Variants in PLPPR4 observed in about 807,000 individuals in gnomAD.
The protein encoded by PLPPR4 is phospholipid phosphatase-related protein type 4.
Under a neutral mutation model 56.6 loss-of-function variants are expected in PLPPR4, and 24 were observed. That is an observed-to-expected ratio of 0.42 (90% CI 0.31 to 0.60). The LOEUF (loss-of-function observed/expected upper bound fraction) is 0.60, where lower values mean the gene tolerates loss of function less well. Among genes scored for constraint, PLPPR4 ranks in the 20% least tolerant of loss-of-function variants. The pLI, the probability that PLPPR4 is intolerant of heterozygous loss-of-function variation, is 0.13. For missense variants in PLPPR4, 654 were observed against 885.8 expected, an observed-to-expected ratio of 0.74 and a Z score of 3.32; for synonymous variants, 326 against 328.1, an observed-to-expected ratio of 0.99 and a Z score of 0.07.
At chr1:99,263,598 T>G (rs1043235467), upstream of PLPPR4, among the ~76,000 whole-genome samples, 1 of 152,200 alleles carries the variant, frequency 6.6e-6, no homozygotes, top group African/African-American at 2.4e-5. Flanking sequence ...TTGCTGGGTC[T>G]TTCTCTCTTC....
upstream of PLPPR4, among the ~76,000 whole-genome samples, chr1:99,263,712 A>G (rs1658819109): frequency 1.3e-5 from 2 of 152,180 alleles, no homozygotes; most frequent in South Asian, 4.1e-4. Flanking sequence ...ATATCTGAAG[A>G]CATACTTCTT....
At chr1:99,275,943 T>C (rs1022732439) in intron 1 of PLPPR4, among the ~76,000 whole-genome samples, 1 of 152,104 alleles carries the variant, frequency 6.6e-6, no homozygotes, top group African/African-American at 2.4e-5. Context: ...GAGATGACCC[T>C]AAGAATCACA....
At chr1:99,285,503 GT>G (rs1557777488) in intron 1 of PLPPR4, among the ~76,000 whole-genome samples, 1 of 152,142 alleles carries the variant, frequency 6.6e-6, no homozygotes, top group African/African-American at 2.4e-5. Flanking sequence ...GATATTTGAA[GT>G]GATCGAATAA....
chr1:99,290,100 G>C (rs556442687), intron 2 of PLPPR4, among the ~76,000 whole-genome samples: 2 of 152,062 alleles, frequency 1.3e-5, no homozygotes, highest in Non-Finnish European at 1.5e-5. Context: ...AAAGGCTCAG[G>C]ATACAAAACT....
At chr1:99,283,795 CA>C (rs57499717) in intron 1 of PLPPR4, among the ~76,000 whole-genome samples, 27,934 of 151,808 alleles carry the variant, frequency 0.18, 3,826 homozygotes, top group African/African-American at 0.37. Flanking sequence ...ACTAAAAATA[CA>C]AAAAAATTAG....
At chr1:99,303,100 G>A (rs1360228629) in intron 6 of PLPPR4, among the ~76,000 whole-genome samples, 1 of 152,116 alleles carries the variant, frequency 6.6e-6, no homozygotes, top group Admixed American at 6.6e-5. Flanking sequence ...CAAAAGTGAT[G>A]TGTATGTGTG....
At chr1:99,279,861 AT>A (rs1659279384) in intron 1 of PLPPR4, among the ~76,000 whole-genome samples, 1 of 152,198 alleles carries the variant, frequency 6.6e-6, no homozygotes, top group Non-Finnish European at 1.5e-5. Flanking sequence ...GATAATTAGG[AT>A]GAAATGTCTA....
At chr1:99,289,970 G>T (rs547692217) in intron 2 of PLPPR4, among the ~76,000 whole-genome samples, 46 of 152,166 alleles carry the variant, frequency 3.0e-4, no homozygotes, top group Admixed American at 5.2e-4. Flanking sequence ...AAATAAAGTG[G>T]ATTCAAATAG....
intron 2 of PLPPR4, 53 bp from the exon 3 acceptor site, chr1:99,296,685 G>A: frequency 6.8e-7 from 1 of 1,460,192 alleles, no homozygotes; most frequent in Non-Finnish European, 9.3e-7. Context: ...ATACCTGTTG[G>A]CTTAATAGGT....
intron 1 of PLPPR4, among the ~76,000 whole-genome samples, chr1:99,273,664 GAATA>G (rs548120666): frequency 3.9e-5 from 6 of 152,004 alleles, no homozygotes; most frequent in Non-Finnish European, 8.8e-5. Context: ...TTTATGTGTT[GAATA>G]AATATCAATT....
rs35121076 is a variant in PLPPR4 at position 99,288,075 on chromosome 1, G to A, written c.189G>A (p.Pro63=). Residue 63 remains proline (P), a synonymous_variant, in exon 2 of 7, where the codon CCG becomes CCA. Coordinates refer to ENST00000370185, the MANE Select transcript of PLPPR4 (RefSeq NM_014839.5). ...GCTATGACCGGAGTCTTAGCATGCCGTACATTGAACCAACCCAGGAGGCAA... is the reference window on the plus strand; with the variant it reads ...GCTATGACCGGAGTCTTAGCATGCCATACATTGAACCAACCCAGGAGGCAA... The part of the protein sequence containing the change: ...FSCYDRSLSM[P]YIEPTQEAIP... 0.04 allele frequency: 64,591 copies of A among 1,613,576 alleles called. 1,957 individuals are homozygous for A. Among genetic ancestry groups the A allele is most frequent in the East Asian group, 0.13 (5,797 of 44,840 alleles).
At chr1:99,271,008 T>C (rs1294136315) in intron 1 of PLPPR4, among the ~76,000 whole-genome samples, 1 of 152,234 alleles carries the variant, frequency 6.6e-6, no homozygotes, top group African/African-American at 2.4e-5. Context: ...ATTAGGGAAT[T>C]ATTTTCTATT....
rs960151182 is a variant in PLPPR4, at chr1:99,298,491, G to A, written c.395-544G>A. Among the ~76,000 whole-genome samples, 8 of 152,016 alleles carry A rather than the reference G, an allele frequency of 5.3e-5. 1 individual carries two copies. Among genetic ancestry groups the A allele is most frequent in the South Asian group, 4.1e-4 (2 of 4,822 alleles). The stretch of plus-strand genomic sequence containing the variant: ...ACACACACGTGGGCTCCCCACATTC[G>A]TGTACCTAGGATACGATTGTCATTT... On this transcript the variant is annotated intron_variant, in intron 3 of 6. Transcript: ENST00000370185.
At chr1:99,274,009 ATTGT>A (rs1020406899) in intron 1 of PLPPR4, among the ~76,000 whole-genome samples, 57 of 152,146 alleles carry the variant, frequency 3.7e-4, no homozygotes, top group African/African-American at 1.3e-3. Context: ...TTACCTATGG[ATTGT>A]TTGAGATTTG....
Position 99,289,273 on chromosome 1 carries a change from A to T in PLPPR4, c.264+1123A>T, listed in dbSNP as rs372623991. ...GAATTCGCCTATTCAGGTTCAGTAC[A>T]GCAGAGTTTAAGAAGAGTCTCTGCA... On this transcript the variant is annotated intron_variant, in intron 2 of 6. Transcript: ENST00000370185. Among the ~76,000 whole-genome samples the T allele has an allele frequency of 2.0e-5, 3 of 152,282 alleles. No homozygotes were observed. In the East Asian group the frequency reaches 5.8e-4, roughly 29 times the overall value.
intron 1 of PLPPR4, among the ~76,000 whole-genome samples, chr1:99,265,147 C>G (rs1372389829): frequency 2.6e-5 from 1 of 39,072 alleles, no homozygotes; most frequent in Non-Finnish European, 4.5e-5. Flanking sequence ...TGCTCCTGCC[C>G]CCCCCCCCCA....
chr1:99,292,832 G>A (rs1025230028), intron 2 of PLPPR4, among the ~76,000 whole-genome samples: 1 of 151,406 alleles, frequency 6.6e-6, no homozygotes, highest in Non-Finnish European at 1.5e-5. Context: ...CATTTTCTCA[G>A]CAGTGATCCT....
chr1:99,303,766 C>G (rs972924255), intron 6 of PLPPR4, among the ~76,000 whole-genome samples: 27 of 152,142 alleles, frequency 1.8e-4, no homozygotes, highest in African/African-American at 6.3e-4. Flanking sequence ...AAGTTATTCT[C>G]ACTCGCATGC....
intron 1 of PLPPR4, among the ~76,000 whole-genome samples, chr1:99,268,507 T>G (rs2100781899): frequency 6.6e-6 from 1 of 152,368 alleles, no homozygotes; most frequent in Non-Finnish European, 1.5e-5. Flanking sequence ...ATACCTGATG[T>G]TAAAGCACAC....
Sources: gnomAD v4.1 joint callset for allele counts (sites outside exome capture counted in the v4.1 genomes callset) on GRCh38, gnomAD v4.1.1 for gene constraint, MANE v1.5 for transcripts, NCBI Gene and HGNC (gene_info 2026-07-23, HGNC 2026-07-21) for gene names.